The following TENT4B variants were observed in gnomAD, a reference collection of about 807,000 sequenced individuals.
The protein encoded by TENT4B is terminal nucleotidyltransferase 4B.
TENT4B carries 10 observed loss-of-function variants against 75.0 expected under a neutral mutation model. That is an observed-to-expected ratio of 0.13 (90% CI 0.08 to 0.23). The LOEUF is 0.23. Among genes scored for constraint, TENT4B ranks in the 10% least tolerant of loss-of-function variants. TENT4B has a pLI of 1.00. For missense variants in TENT4B, 579 were observed against 893.8 expected (o/e 0.65, Z 4.49); for synonymous variants, 350 against 357.7 (o/e 0.98, Z 0.24).
At chr16:50,152,935 G>A (rs985698244), upstream of TENT4B, 15 of 1,502,034 alleles carry the variant, frequency 1.0e-5, no homozygotes, top group East Asian at 2.7e-5. Context: ...GCTCCCTGCG[G>A]GGCGGGCGGC....
In TENT4B at chr16:50,153,606, C is replaced by T. The variant is rs1326276464; in HGVS notation, c.-16C>T. 9 of 1,000,858 alleles carry T rather than the reference C, an allele frequency of 9.0e-6. No individual in the cohort carries two copies. Among genetic ancestry groups the T allele is most frequent in the African/African-American group, 1.8e-5 (1 of 56,790 alleles). The allele number at this position is 1,000,858 out of a possible 1,614,324, so 62.0% of individuals were successfully genotyped here. A position where few individuals can be genotyped will look rare whatever the true frequency, so the allele number is the denominator to read the frequency against. ...GGGCGGCCGGGAGGGGCGGGGGCAGCGGCCGCCGCCGTTTGATGGATCCGA... is the reference window on the plus strand; with the variant it reads ...GGGCGGCCGGGAGGGGCGGGGGCAGTGGCCGCCGCCGTTTGATGGATCCGA... On this transcript the variant is annotated 5_prime_UTR_variant, in exon 1 of 12. Coordinates refer to ENST00000561678, the MANE Select transcript of TENT4B (RefSeq NM_001365324.3).
chr16:50,154,031 C>T lies in TENT4B; in HGVS notation c.410C>T (p.Ser137Leu). ...GCGTCCTCGCCTCCCTCGGCGTCCT[C>T]GTCCCCGCACCCTTCGGCCGCCGTC... is the stretch of plus-strand genomic sequence containing the variant. ...SSASSPPSAS[S>L]SPHPSAAVPA... is the part of the protein sequence containing the mutation. Residue 137 changes from serine to leucine, a missense_variant, in exon 1 of 12, where the codon TCG becomes TTG. Around this residue, in one of 7 missense-constraint regions of TENT4B, gnomAD observed 253 missense variants for 270.1 expected, o/e 0.94. Coordinates refer to ENST00000561678, the MANE Select transcript of TENT4B (RefSeq NM_001365324.3). 3 of 1,531,510 alleles carry T rather than the reference C, an allele frequency of 2.0e-6. No homozygotes were observed. Among genetic ancestry groups the T allele is most frequent in the Non-Finnish European group, 8.7e-7 (1 of 1,144,998 alleles). 94.9% of individuals were successfully genotyped at this position (1,531,510 alleles called of 1,614,324 possible).
At position 50,232,968 on chromosome 16, in the gene TENT4B, T is replaced by C; in HGVS notation, c.*3640T>C. The stretch of plus-strand genomic sequence containing the variant: ...AATTTTGCTGTGATAAATATTGAAA[T>C]GTTAAAATTAATGAACAGAAGAATT... On this transcript the variant is annotated 3_prime_UTR_variant, in exon 12 of 12. Transcript: ENST00000561678. 2 of 984,750 alleles carry C rather than the reference T, an allele frequency of 2.0e-6. No individual in the cohort carries two copies. Among genetic ancestry groups the C allele is most frequent in the Non-Finnish European group, 2.4e-6 (2 of 829,278 alleles). The allele number at this position is 984,750 out of a possible 1,614,324, so 61.0% of individuals were successfully genotyped here.
Position 50,229,870 on chromosome 16 carries a change from G to A in TENT4B, c.*542G>A, listed in dbSNP as rs2032220301. On this transcript the variant is annotated 3_prime_UTR_variant, in exon 12 of 12. Transcript: ENST00000561678. ...ATAGGAGATTGATATTTGTAATAGT[G>A]GATTTGTTAATAATACTTTTTACAT... The A allele has an allele frequency of 1.1e-6, 1 of 908,036 alleles. No individual in the cohort carries two copies. The allele number at this position is 908,036 out of a possible 1,614,324, so 56.2% of individuals were successfully genotyped here.
At position 50,232,286 on chromosome 16, in the gene TENT4B, C is replaced by T; in HGVS notation, c.*2958C>T. The T allele has an allele frequency of 1.0e-6, 1 of 985,262 alleles. No individual in the cohort carries two copies. 61.0% of individuals were successfully genotyped at this position (985,262 alleles called of 1,614,324 possible). A position where few individuals can be genotyped will look rare whatever the true frequency, so the allele number is the denominator to read the frequency against. ...TCAAATCTAGCTTGGATCTGTAGGA[C>T]CTATGTTTTTTACAAGTAATTGCCC... On this transcript the variant is annotated 3_prime_UTR_variant, in exon 12 of 12. Coordinates refer to ENST00000561678, the MANE Select transcript of TENT4B (RefSeq NM_001365324.3).
intron 2 of TENT4B, among the ~76,000 whole-genome samples, chr16:50,212,139 C>T (rs1257153171): frequency 1.3e-5 from 2 of 152,188 alleles, no homozygotes; most frequent in Non-Finnish European, 2.9e-5. Context: ...CGACTTACTG[C>T]AGCCTCGATT....
intron 1 of TENT4B, among the ~76,000 whole-genome samples, chr16:50,193,945 G>A (rs2030028015): frequency 6.6e-6 from 1 of 152,142 alleles, no homozygotes; most frequent in South Asian, 2.1e-4. Context: ...ACAGAGCTGT[G>A]GAGTGGGCAT....
chr16:50,198,635 A>AT (rs1310763813), intron 1 of TENT4B, among the ~76,000 whole-genome samples: 2 of 152,052 alleles, frequency 1.3e-5, no homozygotes, highest in Non-Finnish European at 2.9e-5. Context: ...AATCCCACTG[A>AT]TTTTTTTGTG....
intron 1 of TENT4B, among the ~76,000 whole-genome samples, chr16:50,209,872 A>G (rs750858385): frequency 6.6e-6 from 1 of 152,228 alleles, no homozygotes. Flanking sequence ...AGCAAAAGTT[A>G]TAGTCTTTGG....
intron 4 of TENT4B, 31 bp from the exon 5 acceptor site, chr16:50,217,525 C>T: frequency 1.7e-6 from 2 of 1,191,766 alleles, no homozygotes; most frequent in Non-Finnish European, 2.3e-6. Flanking sequence ...CTGGTTAAAG[C>T]ATTTACATTT....
At position 50,234,716 on chromosome 16, in the gene TENT4B, C is replaced by G; in HGVS notation, c.*5388C>G. 1 of 985,350 alleles carries G rather than the reference C, an allele frequency of 1.0e-6. No individual in the cohort carries two copies. The highest frequency in any genetic ancestry group is 1.2e-6 in the Non-Finnish European group (1 of 829,912). 61.0% of individuals were successfully genotyped at this position (985,350 alleles called of 1,614,324 possible). On this transcript the variant is annotated 3_prime_UTR_variant, in exon 12 of 12. Transcript: ENST00000561678. Reference sequence around the variant, plus strand: ...GTTAGACGTGTCAAGAGTCTCCAGTCTTTACTACTAAAAAGCAGCACTGCC... The same window carrying G: ...GTTAGACGTGTCAAGAGTCTCCAGTGTTTACTACTAAAAAGCAGCACTGCC...
At chr16:50,198,628 C>T (rs2030436169) in intron 1 of TENT4B, among the ~76,000 whole-genome samples, 1 of 151,758 alleles carries the variant, frequency 6.6e-6, no homozygotes, top group African/African-American at 2.4e-5. Context: ...AAATTAAAAT[C>T]CCACTGATTT....
chr16:50,179,785 G>A (rs917221815), intron 1 of TENT4B, among the ~76,000 whole-genome samples: 1 of 152,114 alleles, frequency 6.6e-6, no homozygotes, highest in Non-Finnish European at 1.5e-5. Context: ...CTGAATCCAG[G>A]GTTTCTTAGC....
At chr16:50,204,484 T>A (rs534561168) in intron 1 of TENT4B, among the ~76,000 whole-genome samples, 2 of 152,060 alleles carry the variant, frequency 1.3e-5, no homozygotes, top group African/African-American at 4.8e-5. Flanking sequence ...TTGGACTTGT[T>A]TAGTTCGAGG....
chr16:50,159,200 TTC>T (rs999518983), intron 1 of TENT4B, among the ~76,000 whole-genome samples: 34 of 150,840 alleles, frequency 2.3e-4, no homozygotes, highest in African/African-American at 4.1e-4. Context: ...CTGCTTCTCT[TTC>T]TCTCTCTCTC....
chr16:50,194,388 G>A lies in TENT4B; in HGVS notation c.639-16935G>A, dbSNP rs560789143. ...CTGCCATCTTGCCTGGCTAGTTTTT[G>A]TATTTTTGTAGAGACGGGGTTTCAT... On this transcript the variant is annotated intron_variant, in intron 1 of 11. Transcript: ENST00000561678. Among the ~76,000 whole-genome samples the A allele has an allele frequency of 2.0e-5, 3 of 151,664 alleles. No individual in the cohort carries two copies. In the South Asian group the frequency reaches 6.2e-4, roughly 32 times the overall value.
At chr16:50,203,972 A>G (rs773843229) in intron 1 of TENT4B, among the ~76,000 whole-genome samples, 4 of 152,170 alleles carry the variant, frequency 2.6e-5, no homozygotes, top group Non-Finnish European at 5.9e-5. Context: ...TGGGAATTTT[A>G]CAGAGGAGCT....
chr16:50,195,339 T>G (rs1226120827), intron 1 of TENT4B, among the ~76,000 whole-genome samples: 5 of 152,204 alleles, frequency 3.3e-5, no homozygotes, highest in African/African-American at 7.2e-5. Flanking sequence ...CATATAGCTT[T>G]GAAAGCCTAG....
chr16:50,214,064 G>A (rs530209409), intron 2 of TENT4B, among the ~76,000 whole-genome samples, 157 bp from the exon 3 acceptor site: 45 of 152,168 alleles, frequency 3.0e-4, no homozygotes, highest in Middle Eastern at 3.4e-3. Flanking sequence ...CAGAATCCCC[G>A]CTTCATGAAG....
Sources: gnomAD v4.1 joint callset for allele counts (sites outside exome capture counted in the v4.1 genomes callset) on GRCh38, gnomAD v4.1.1 for gene constraint, gnomAD v4.1.1 regional missense constraint, MANE v1.5 for transcripts, NCBI Gene and HGNC (gene_info 2026-07-23, HGNC 2026-07-21) for gene names.